MON2: variants seen among roughly 807,000 people sequenced by gnomAD.
MON2 encodes the protein MON2 regulator of endosome-to-Golgi trafficking.
In MON2, 84 loss-of-function variants were observed where a neutral mutation model predicts 208.6. The ratio of observed to expected loss-of-function variants is 0.40; its 90% CI spans 0.34 to 0.48. The LOEUF (loss-of-function observed/expected upper bound fraction) is 0.48, where lower values mean the gene tolerates loss of function less well. Ranked by LOEUF, MON2 falls within the 20% of genes least tolerant of loss-of-function variation. The pLI, the probability that MON2 is intolerant of heterozygous loss-of-function variation, is 0.59. For synonymous variants in MON2, 660 were observed against 694.0 expected (o/e 0.95, Z 0.77); for missense variants, 1,611 against 2,015.4 (o/e 0.80, Z 3.84).
rs759156866 is a variant in MON2 at position 62,484,253 on chromosome 12, A to G, written c.175+20A>G. 4 of 1,524,218 alleles carry G rather than the reference A, an allele frequency of 2.6e-6. No homozygotes were observed. The African/African-American group carries it at 4.2e-5, about 16-fold the overall frequency. The allele number at this position is 1,524,218 out of a possible 1,614,324, so 94.4% of individuals were successfully genotyped here. A position where few individuals can be genotyped will look rare whatever the true frequency, so the allele number is the denominator to read the frequency against. On this transcript the variant is annotated intron_variant, in intron 2 of 34. Transcript: ENST00000393630. Reference sequence around the variant, plus strand: ...TGGCAGGTAATTTTTTGTATTAAAAATTTAATAATAAACAAAAATTTGACT... The same window carrying G: ...TGGCAGGTAATTTTTTGTATTAAAAGTTTAATAATAAACAAAAATTTGACT...
chr12:62,477,024 C>T (rs2069123116), intron 1 of MON2, among the ~76,000 whole-genome samples: 1 of 151,992 alleles, frequency 6.6e-6, no homozygotes, highest in Admixed American at 6.6e-5. Flanking sequence ...GTGGTGTGTG[C>T]CTATAGTCCC....
intron 4 of MON2, among the ~76,000 whole-genome samples, chr12:62,496,643 A>G (rs1432359828): frequency 6.6e-6 from 1 of 152,238 alleles, no homozygotes; most frequent in South Asian, 2.1e-4. Context: ...TGGGGTAGGT[A>G]AAGATTTATT....
chr12:62,502,308 G>A (rs1323737984), intron 7 of MON2, among the ~76,000 whole-genome samples: 1 of 151,946 alleles, frequency 6.6e-6, no homozygotes, highest in East Asian at 1.9e-4. Context: ...GACTGAGGCA[G>A]GAGAATCGCT....
chr12:62,517,197 A>G lies in MON2; in HGVS notation c.985-7318A>G, dbSNP rs189316074. ...TTTCTTTAGAATGTTTCTTAACTAC[A>G]TTAAGTTAAGACTATAGGAAGAGAA... On this transcript the variant is annotated intron_variant, in intron 8 of 34. Coordinates refer to ENST00000393630, the MANE Select transcript of MON2 (RefSeq NM_015026.3). Among the ~76,000 whole-genome samples, 405 of 152,312 alleles carry G rather than the reference A, an allele frequency of 2.7e-3. 2 individuals carry two copies. Among genetic ancestry groups the G allele is most frequent in the African/African-American group, 9.4e-3 (389 of 41,566 alleles).
At chr12:62,524,058 A>G (rs74095806) in intron 8 of MON2, among the ~76,000 whole-genome samples, 17,961 of 151,988 alleles carry the variant, frequency 0.12, 1,154 homozygotes, top group African/African-American at 0.14. Flanking sequence ...GTTCCTCCTT[A>G]TTTTTCTACT....
rs983384135 is a variant in MON2, at chr12:62,501,753, T to A, written c.789+55T>A. The A allele has an allele frequency of 1.9e-6, 3 of 1,591,536 alleles. No homozygotes were observed. The African/African-American group carries it at 4.0e-5, about 21-fold the overall frequency. ...GTTAATCTGAATTGTTTTACAGATA[T>A]TTTTAAAGAAAGCAACGTGTATTTT... On this transcript the variant is annotated intron_variant, in intron 7 of 34. Transcript: ENST00000393630.
chr12:62,550,484 T>G (rs532381708), intron 23 of MON2, among the ~76,000 whole-genome samples: 1 of 152,296 alleles, frequency 6.6e-6, no homozygotes, highest in South Asian at 2.1e-4. Flanking sequence ...ATCACAGCAC[T>G]GCACTCCAGC....
intron 24 of MON2, among the ~76,000 whole-genome samples, chr12:62,554,855 C>G (rs777065117): frequency 3.3e-5 from 5 of 152,058 alleles, no homozygotes; most frequent in Middle Eastern, 3.4e-3. Flanking sequence ...TTTGTTTTGT[C>G]GTGATCTCTG....
At chr12:62,513,559 C>G (rs2071526899) in intron 8 of MON2, among the ~76,000 whole-genome samples, 1 of 152,004 alleles carries the variant, frequency 6.6e-6, no homozygotes, top group Admixed American at 6.6e-5. Context: ...TGTCAGGCTG[C>G]AAATTTTCCA....
intron 21 of MON2, among the ~76,000 whole-genome samples, chr12:62,546,518 T>G (rs893053321): frequency 6.6e-6 from 1 of 151,028 alleles, no homozygotes; most frequent in Non-Finnish European, 1.5e-5. Flanking sequence ...CCTTGGGAGG[T>G]CAAGGTGGGC....
chr12:62,506,747 TAA>T (rs1242513093), intron 7 of MON2, among the ~76,000 whole-genome samples: 1 of 152,030 alleles, frequency 6.6e-6, no homozygotes, highest in Non-Finnish European at 1.5e-5. Flanking sequence ...AAGATACATT[TAA>T]AAAATTTTGT....
At chr12:62,553,356 A>G in intron 24 of MON2, 182 bp downstream of exon 24, 1 of 534,888 alleles carries the variant, frequency 1.9e-6, no homozygotes, top group Non-Finnish European at 3.2e-6. Context: ...ATTAAATATT[A>G]ACAGCCTTAT....
At chr12:62,540,052 C>G (rs758493475) in intron 19 of MON2, among the ~76,000 whole-genome samples, 11 of 152,188 alleles carry the variant, frequency 7.2e-5, no homozygotes, top group African/African-American at 2.6e-4. Flanking sequence ...TTTTTGATAC[C>G]TTTAATAATT....
chr12:62,467,255 T>A lies in MON2; in HGVS notation c.48T>A (p.Asn16Lys). Reference protein sequence around the residue: ...SPEAVKKLLENMQSDLRALSL... With the variant: ...SPEAVKKLLEKMQSDLRALSL... ...AGGCGGTGAAGAAGCTGCTGGAGAA[T>A]ATGCAGAGCGACTTGCGCGCCTTGT... The change falls in exon 1 of 35, where the codon AAT becomes AAA. Residue 16 changes from asparagine to lysine, a missense_variant. By Grantham distance (94) the Asn-to-Lys change is moderately conservative. Transcript: ENST00000393630. The A allele has an allele frequency of 1.2e-6, 2 of 1,613,980 alleles. No homozygotes were observed. Among genetic ancestry groups the A allele is most frequent in the Non-Finnish European group, 8.5e-7 (1 of 1,180,016 alleles).
At chr12:62,552,332 T>C (rs1269523182) in intron 23 of MON2, among the ~76,000 whole-genome samples, 1 of 152,174 alleles carries the variant, frequency 6.6e-6, no homozygotes, top group Admixed American at 6.5e-5. Context: ...TAGTGCAACA[T>C]TGCTTAAATT....
intron 14 of MON2, among the ~76,000 whole-genome samples, chr12:62,536,258 T>C (rs2072962759): frequency 6.6e-6 from 1 of 152,174 alleles, no homozygotes; most frequent in Non-Finnish European, 1.5e-5. Context: ...AACAGTAATG[T>C]TTGTAACCAC....
chr12:62,547,547 T>C (rs1233590029), intron 22 of MON2, among the ~76,000 whole-genome samples: 1 of 152,228 alleles, frequency 6.6e-6, no homozygotes. Flanking sequence ...ATTAAACATT[T>C]ATTCTGTGCA....
chr12:62,474,773 T>C (rs1473402770), intron 1 of MON2, among the ~76,000 whole-genome samples: 5 of 152,166 alleles, frequency 3.3e-5, no homozygotes, highest in African/African-American at 1.2e-4. Context: ...AACGTCATTT[T>C]CCCCCTATTT....
chr12:62,524,507 A>G lies in MON2; in HGVS notation c.985-8A>G. 1.3e-6 allele frequency: 2 copies of G among 1,599,482 alleles called. No individual in the cohort carries two copies. The highest frequency in any genetic ancestry group is 1.7e-6 in the Non-Finnish European group (2 of 1,167,712). ...AAAGAAATAGTATTAAAAATCATAT[A>G]TTTTTAGGTAACTGAATGTGAGATA... On this transcript the variant is annotated splice_polypyrimidine_tract_variant and splice_region_variant and intron_variant, in intron 8 of 34. Transcript: ENST00000393630.
Sources: allele counts gnomAD v4.1 joint callset (sites outside exome capture counted in the v4.1 genomes callset), GRCh38; gene constraint gnomAD v4.1.1; transcripts MANE v1.5; gene names NCBI Gene and HGNC (gene_info 2026-07-23, HGNC 2026-07-21).